The following WNT3 variants were observed in gnomAD, a reference collection of about 807,000 sequenced individuals.
WNT3 encodes proto-oncogene Wnt-3.
WNT3 carries 7 observed loss-of-function variants against 34.2 expected under a neutral mutation model. The observed-to-expected ratio is 0.20, with a 90% CI of 0.12 to 0.38. The LOEUF is 0.38. Among genes scored for constraint, WNT3 ranks in the 10% least tolerant of loss-of-function variants. The pLI is 1.00. For missense variants in WNT3, 267 were observed against 499.8 expected (o/e 0.53, Z 4.44); for synonymous variants, 212 against 211.5 (o/e 1.00, Z -0.02).
chr17:46,780,300 C>A (rs2059449851), intron 1 of WNT3, among the ~76,000 whole-genome samples: 1 of 152,182 alleles, frequency 6.6e-6, no homozygotes, highest in African/African-American at 2.4e-5. Flanking sequence ...AGCACCCACT[C>A]CCCTGAGTGA....
At chr17:46,774,623 C>A (rs1367271953) in intron 1 of WNT3, among the ~76,000 whole-genome samples, 1 of 152,198 alleles carries the variant, frequency 6.6e-6, no homozygotes, top group African/African-American at 2.4e-5. Context: ...ATCTCACTGC[C>A]CACACCCAAC....
intron 1 of WNT3, among the ~76,000 whole-genome samples, chr17:46,774,625 A>G (rs923719261): frequency 6.6e-6 from 1 of 152,208 alleles, no homozygotes; most frequent in African/African-American, 2.4e-5. Flanking sequence ...CTCACTGCCC[A>G]CACCCAACAC....
chr17:46,810,239 C>T (rs887696151), intron 1 of WNT3, among the ~76,000 whole-genome samples: 1 of 152,064 alleles, frequency 6.6e-6, no homozygotes, highest in South Asian at 2.1e-4. Flanking sequence ...AACTCCTGAC[C>T]TCAGGTGATC....
intron 1 of WNT3, among the ~76,000 whole-genome samples, chr17:46,801,357 C>T (rs958927410): frequency 3.3e-5 from 5 of 152,224 alleles, no homozygotes; most frequent in Admixed American, 2.6e-4. Context: ...CGGTGGCTCA[C>T]GCCTGTAATC....
intron 1 of WNT3, among the ~76,000 whole-genome samples, chr17:46,817,638 C>A (rs1449482757): frequency 1.4e-5 from 2 of 144,992 alleles, no homozygotes; most frequent in South Asian, 2.4e-4. Context: ...GCACAGCCCC[C>A]CCCAAGCACT....
rs1002783689 is a variant in WNT3, at chr17:46,818,574, C to T, written c.24G>A (p.Leu8=). Residue 8 remains leucine, a synonymous_variant, in exon 1 of 5, where the codon CTG becomes CTA. Coordinates refer to ENST00000225512, the MANE Select transcript of WNT3 (RefSeq NM_030753.5). The part of the protein sequence containing the change: MEPHLLG[L]LLGLLLGGTR... The stretch of plus-strand genomic sequence containing the variant: ...TGCCACCGAGCAGGAGGCCGAGGAG[C>T]AGCCCGAGCAGGTGGGGCTCCATTA... 7 of 1,605,492 alleles carry T rather than the reference C, an allele frequency of 4.4e-6. No homozygotes were observed. Among genetic ancestry groups the T allele is most frequent in the Non-Finnish European group, 5.9e-6 (7 of 1,176,836 alleles).
rs954922524 is a variant in WNT3 at position 46,769,982 on chromosome 17, G to A, written c.389C>T (p.Ser130Phe). The A allele has an allele frequency of 3.7e-6, 6 of 1,609,540 alleles. No individual in the cohort carries two copies. Among genetic ancestry groups the A allele is most frequent in the South Asian group, 2.2e-5 (2 of 90,536 alleles). Residue 130 changes from serine to phenylalanine, a missense_variant, in exon 3 of 5, where the codon TCC becomes TTC. Ser to Phe is a radical substitution (Grantham distance 155, BLOSUM62 -2). Around this residue, in one of 3 missense-constraint regions of WNT3, gnomAD observed 181 missense variants for 391.3 expected, o/e 0.46. Transcript: ENST00000225512. The part of the protein sequence containing the change: ...SAGVAFAVTR[S>F]CAEGTSTICG... ...AATGGTGGAGGTGCCCTCGGCGCAGGAGCGGGTGACGGCGAAGGCCACGCC... is the reference window on the plus strand; with the variant it reads ...AATGGTGGAGGTGCCCTCGGCGCAGAAGCGGGTGACGGCGAAGGCCACGCC...
intron 1 of WNT3, among the ~76,000 whole-genome samples, chr17:46,817,324 C>A (rs1264228051): frequency 1.3e-5 from 2 of 152,216 alleles, no homozygotes; most frequent in Non-Finnish European, 2.9e-5. Flanking sequence ...ACCCCGGGGG[C>A]CACAGCCCAC....
intron 2 of WNT3, among the ~76,000 whole-genome samples, chr17:46,771,162 G>A (rs1234913148): frequency 1.3e-5 from 2 of 152,214 alleles, no homozygotes; most frequent in African/African-American, 4.8e-5. Context: ...GCCACCTACA[G>A]AGGGGCCCGT....
intron 3 of WNT3, 84 bp downstream of exon 3, chr17:46,769,699 G>A (rs2059346497): frequency 4.5e-6 from 7 of 1,564,320 alleles, no homozygotes; most frequent in Non-Finnish European, 5.2e-6. Flanking sequence ...GCTGCCGGAA[G>A]GGGTGAGGTG....
At chr17:46,777,214 A>C (rs199518) in intron 1 of WNT3, among the ~76,000 whole-genome samples, 95,022 of 151,810 alleles carry the variant, frequency 0.63, 32,319 homozygotes, top group South Asian at 0.82. Context: ...CGTCTCAAAA[A>C]AAAAAAAGAA....
chr17:46,766,525 G>A (rs539676773), intron 4 of WNT3, among the ~76,000 whole-genome samples: 137 of 152,172 alleles, frequency 9.0e-4, no homozygotes, highest in Non-Finnish European at 1.6e-3. Context: ...ATTCACCTTC[G>A]TCCTCTCCCA....
At chr17:46,783,968 C>G (rs567713689) in intron 1 of WNT3, among the ~76,000 whole-genome samples, 1 of 152,164 alleles carries the variant, frequency 6.6e-6, no homozygotes, top group Admixed American at 6.5e-5. Context: ...GCTGGGAAAG[C>G]GGCTGGGAGG....
At chr17:46,801,083 T>G (rs780502814) in intron 1 of WNT3, among the ~76,000 whole-genome samples, 1 of 152,162 alleles carries the variant, frequency 6.6e-6, no homozygotes, top group Non-Finnish European at 1.5e-5. Context: ...TATCCTTTCA[T>G]CCTCACAATA....
chr17:46,800,379 G>A (rs2084109017), intron 1 of WNT3, among the ~76,000 whole-genome samples: 1 of 152,210 alleles, frequency 6.6e-6, no homozygotes, highest in Non-Finnish European at 1.5e-5. Context: ...CCAAAGTGCT[G>A]GGATTACAGA....
chr17:46,811,798 A>C (rs980953962), intron 1 of WNT3, among the ~76,000 whole-genome samples: 5 of 152,110 alleles, frequency 3.3e-5, no homozygotes, highest in African/African-American at 1.2e-4. Flanking sequence ...TCTACTAAAA[A>C]ATTCAAATAT....
chr17:46,780,653 G>A (rs546265616), intron 1 of WNT3, among the ~76,000 whole-genome samples: 2 of 152,318 alleles, frequency 1.3e-5, no homozygotes, highest in African/African-American at 2.4e-5. Context: ...GCAGGCGCCT[G>A]TAGCCCCAGC....
intron 2 of WNT3, 22 bp downstream of exon 2, chr17:46,773,646 C>G (rs547317258): frequency 2.7e-5 from 40 of 1,458,792 alleles, no homozygotes; most frequent in Admixed American, 7.6e-5. Flanking sequence ...CCCCTCCCCC[C>G]CCCTCAGCCC....
intron 1 of WNT3, among the ~76,000 whole-genome samples, chr17:46,809,666 A>G (rs748747510): frequency 4.6e-5 from 7 of 151,930 alleles, no homozygotes; most frequent in Non-Finnish European, 1.0e-4. Context: ...ACATCTTCCC[A>G]TGTGTCCCTG....
Sources: gnomAD v4.1 joint callset for allele counts (sites outside exome capture counted in the v4.1 genomes callset) on GRCh38, gnomAD v4.1.1 for gene constraint, gnomAD v4.1.1 regional missense constraint, MANE v1.5 for transcripts, NCBI Gene and HGNC (gene_info 2026-07-23, HGNC 2026-07-21) for gene names.